ZNF487: variants seen among roughly 807,000 people sequenced by gnomAD.
ZNF487 encodes the protein zinc finger protein 487, also known as KRAB domain only 1.
In ZNF487, 4 loss-of-function variants were observed where a neutral mutation model predicts 3.0. The ratio of observed to expected loss-of-function variants is 1.35; its 90% CI spans 0.66 to 3.08. The LOEUF (loss-of-function observed/expected upper bound fraction) is 3.08. Among genes scored for constraint, ZNF487 ranks in the 30% most tolerant of loss-of-function variants. ZNF487 has a pLI of 0.01. For missense variants in ZNF487, 146 were observed against 98.7 expected, an observed-to-expected ratio of 1.48 and a Z score of -2.03; for synonymous variants, 55 against 34.6, an observed-to-expected ratio of 1.59 and a Z score of -2.06.
downstream of ZNF487, among the ~76,000 whole-genome samples, chr10:43,486,200 A>C (rs115737998): frequency 2.2e-3 from 335 of 152,364 alleles, 2 homozygotes; most frequent in African/African-American, 7.7e-3. Context: ...ACCAAAATGC[A>C]GCCATATTGT....
chr10:43,443,061 C>CTTTT (rs34420531), intron 1 of ZNF487, among the ~76,000 whole-genome samples: 8 of 119,874 alleles, frequency 6.7e-5, no homozygotes, highest in Non-Finnish European at 9.8e-5. Flanking sequence ...CTCGTTCTAG[C>CTTTT]TTTTTTTTTT....
At chr10:43,440,876 G>A (rs1050856725) in intron 1 of ZNF487, among the ~76,000 whole-genome samples, 1 of 150,664 alleles carries the variant, frequency 6.6e-6, no homozygotes, top group African/African-American at 2.4e-5. Context: ...CTTTTTTTTT[G>A]TTGTTTGTTT....
intron 1 of ZNF487, among the ~76,000 whole-genome samples, chr10:43,444,561 G>A (rs2132039782): frequency 6.6e-6 from 1 of 151,988 alleles, no homozygotes; most frequent in East Asian, 1.9e-4. Flanking sequence ...AGGTTTACAG[G>A]TTGTTCGTTT....
chr10:43,441,266 C>T (rs922126691), intron 1 of ZNF487, among the ~76,000 whole-genome samples: 15 of 150,662 alleles, frequency 1.0e-4, no homozygotes, highest in African/African-American at 2.9e-4. Flanking sequence ...TGCACCAGAC[C>T]GCTTTGCCTT....
At chr10:43,474,513 A>G (rs61859967) in intron 1 of ZNF487, among the ~76,000 whole-genome samples, 5,181 of 152,206 alleles carry the variant, frequency 0.034, 114 homozygotes, top group South Asian at 0.041. Context: ...TGTAGTGTGC[A>G]ATGATCATGC....
At chr10:43,510,217 G>A in the ZNF487 span, among the ~76,000 whole-genome samples, 1 of 152,172 alleles carries the variant, frequency 6.6e-6, no homozygotes, top group Non-Finnish European at 1.5e-5. Context: ...TGGTCACATG[G>A]TCATAGCTGG....
chr10:43,475,150 G>A (rs137962584), intron 1 of ZNF487, among the ~76,000 whole-genome samples: 1 of 152,270 alleles, frequency 6.6e-6, no homozygotes, highest in East Asian at 1.9e-4. Context: ...GGGGTTGGTT[G>A]GAGATTCTCC....
chr10:43,447,244 A>G (rs1288933034), intron 1 of ZNF487, among the ~76,000 whole-genome samples: 1 of 59,026 alleles, frequency 1.7e-5, no homozygotes, highest in African/African-American at 1.8e-4. Flanking sequence ...GGAGAGGGAG[A>G]ACAACATTTT....
chr10:43,485,736 A>C (rs1224252819), downstream of ZNF487, among the ~76,000 whole-genome samples: 1 of 152,254 alleles, frequency 6.6e-6, no homozygotes, highest in Non-Finnish European at 1.5e-5. Context: ...TAACATTTTA[A>C]GTGCTTAGTT....
chr10:43,465,403 C>T (rs1251921302), intron 1 of ZNF487, among the ~76,000 whole-genome samples: 5 of 150,472 alleles, frequency 3.3e-5, no homozygotes, highest in African/African-American at 1.2e-4. Flanking sequence ...GGGCGGCTGC[C>T]GGGCGGAGGG....
At chr10:43,493,804 C>G in the ZNF487 span, among the ~76,000 whole-genome samples, 1 of 148,554 alleles carries the variant, frequency 6.7e-6, no homozygotes, top group African/African-American at 2.5e-5. Context: ...CCACACTCCG[C>G]TGTGCCTTAA....
In ZNF487 at chr10:43,479,329, C is replaced by A. The variant is rs74137739; in HGVS notation, c.131-2100C>A. ...CTGTTATCATTTGAGTGAATTGGTC[C>A]CATTTATAATCTAAGAAGCATGATA... On this transcript the variant is annotated intron_variant, in intron 3 of 3. Transcript: ENST00000437590. 4.7e-3 allele frequency among the ~76,000 whole-genome samples: 720 copies of A among 151,826 alleles called. 7 individuals carry two copies. The highest frequency in any genetic ancestry group is 0.017 in the African/African-American group (695 of 41,398).
Position 43,476,236 on chromosome 10 carries a change from C to T in ZNF487, c.130+34C>T, listed in dbSNP as rs766721391. The T allele has an allele frequency of 3.0e-5, 21 of 704,390 alleles. No individual in the cohort carries two copies. In the South Asian group the frequency reaches 3.2e-4, roughly 11 times the overall value. The allele number at this position is 704,390 out of a possible 1,614,324, so 43.6% of individuals were successfully genotyped here. A position where few individuals can be genotyped will look rare whatever the true frequency, so the allele number is the denominator to read the frequency against. On this transcript the variant is annotated intron_variant, in intron 3 of 3. Transcript: ENST00000437590. The stretch of plus-strand genomic sequence containing the variant: ...ATAAATATATAGGAAGCTATAATCC[C>T]AGGGAGAAATTTGATCCTAGGGAGA...
intron 1 of ZNF487, among the ~76,000 whole-genome samples, chr10:43,464,188 T>C (rs959593368): frequency 2.0e-5 from 3 of 150,122 alleles, no homozygotes; most frequent in Admixed American, 1.3e-4. Context: ...TTTTCTTTTT[T>C]TTTTTTTTGT....
At chr10:43,463,282 A>C (rs1840501088) in intron 1 of ZNF487, among the ~76,000 whole-genome samples, 2 of 151,988 alleles carry the variant, frequency 1.3e-5, no homozygotes, top group Admixed American at 6.6e-5. Flanking sequence ...TCATGCCTGT[A>C]ATCCCAGCAC....
chr10:43,505,287 ATT>A, the ZNF487 span, among the ~76,000 whole-genome samples: 3 of 150,088 alleles, frequency 2.0e-5, no homozygotes, highest in Admixed American at 6.6e-5. Flanking sequence ...TCATATTTAC[ATT>A]TTTTTTTTTG....
chr10:43,465,344 T>C (rs1183759133), intron 1 of ZNF487, among the ~76,000 whole-genome samples: 1 of 150,976 alleles, frequency 6.6e-6, no homozygotes, highest in Non-Finnish European at 1.5e-5. Flanking sequence ...GCTCCTCACT[T>C]CCCAGACGGG....
At chr10:43,483,620 C>T (rs151014017), downstream of ZNF487, among the ~76,000 whole-genome samples, 405 of 151,596 alleles carry the variant, frequency 2.7e-3, 3 homozygotes, top group African/African-American at 9.1e-3. Flanking sequence ...CTCCTCCTCC[C>T]GGGTTCAAGT....
chr10:43,481,755 G>T lies in ZNF487; in HGVS notation c.457G>T (p.Glu153Ter). ...TCCTTATGCCAGAGGGAAACCTTTG[G>T]AATATGATGGAAATGGGAAAGCCGT... ...ENPYARGKPL[E>*]YDGNGKAVSQ... Residue 153 changes from glutamate (E) to a stop codon, truncating the protein, a stop_gained, in exon 4 of 4, where the codon GAA becomes TAA. Transcript: ENST00000437590. LOFTEE classifies it low-confidence loss of function (END_TRUNC). 1.4e-6 allele frequency: 1 copy of T among 715,074 alleles called. No homozygotes were observed. 44.3% of individuals were successfully genotyped at this position (715,074 alleles called of 1,614,324 possible). A position where few individuals can be genotyped will look rare whatever the true frequency, so the allele number is the denominator to read the frequency against.
Sources: gnomAD v4.1 joint callset for allele counts (sites outside exome capture counted in the v4.1 genomes callset) on GRCh38, gnomAD v4.1.1 for gene constraint, MANE v1.5 for transcripts, NCBI Gene and HGNC (gene_info 2026-07-23, HGNC 2026-07-21) for gene names.